The following DPP10 variants were observed in gnomAD, a reference collection of about 807,000 sequenced individuals.
DPP10 encodes dipeptidyl peptidase like 10, also known as inactive dipeptidyl peptidase 10.
DPP10 carries 33 observed loss-of-function variants against 120.9 expected under a neutral mutation model. The ratio of observed to expected loss-of-function variants is 0.27; its 90% CI spans 0.21 to 0.37. DPP10 has a LOEUF of 0.37. Ranked by LOEUF, DPP10 falls within the 10% of genes least tolerant of loss-of-function variation. DPP10 has a pLI of 1.00. For synonymous variants in DPP10, 337 were observed against 326.1 expected, an observed-to-expected ratio of 1.03 and a Z score of -0.36; for missense variants, 816 against 942.8, an observed-to-expected ratio of 0.87 and a Z score of 1.76.
chr2:115,122,304 G>A (rs1041359381), intron 1 of DPP10, among the ~76,000 whole-genome samples: 1 of 152,210 alleles, frequency 6.6e-6, no homozygotes, highest in African/African-American at 2.4e-5. Flanking sequence ...GCCTGTGGCA[G>A]ATCAGAGTGA....
intron 1 of DPP10, among the ~76,000 whole-genome samples, chr2:114,893,165 T>C (rs1312215797): frequency 6.6e-6 from 1 of 152,182 alleles, no homozygotes; most frequent in Non-Finnish European, 1.5e-5. Flanking sequence ...TTCCCAAATT[T>C]AAACGATCAC....
intron 1 of DPP10, among the ~76,000 whole-genome samples, chr2:114,634,207 A>G (rs1487802337): frequency 6.6e-6 from 1 of 151,864 alleles, no homozygotes; most frequent in African/African-American, 2.4e-5. Flanking sequence ...CCTGTGTTTT[A>G]TCATCTGCTA....
intron 1 of DPP10, among the ~76,000 whole-genome samples, chr2:115,111,157 TTA>T (rs1203667054): frequency 6.6e-6 from 1 of 152,140 alleles, no homozygotes; most frequent in Non-Finnish European, 1.5e-5. Flanking sequence ...TCTTATGTGC[TTA>T]TGTTTTCTCC....
At chr2:115,319,684 A>G (rs2061966118) in intron 2 of DPP10, among the ~76,000 whole-genome samples, 1 of 152,220 alleles carries the variant, frequency 6.6e-6, no homozygotes, top group Non-Finnish European at 1.5e-5. Flanking sequence ...ATAGCAAAAT[A>G]CCACAGACTG....
At chr2:115,588,893 C>T (rs2082453997) in intron 5 of DPP10, among the ~76,000 whole-genome samples, 1 of 152,130 alleles carries the variant, frequency 6.6e-6, no homozygotes, top group Non-Finnish European at 1.5e-5. Flanking sequence ...AAAATATATT[C>T]AGGTATGCCT....
intron 1 of DPP10, among the ~76,000 whole-genome samples, chr2:114,531,191 G>A (rs896006718): frequency 3.9e-5 from 6 of 152,152 alleles, no homozygotes; most frequent in East Asian, 1.9e-4. Flanking sequence ...ACTTGTCATC[G>A]TGGTGGGGGA....
chr2:115,535,293 G>T (rs1393330984), intron 5 of DPP10, among the ~76,000 whole-genome samples: 1 of 147,056 alleles, frequency 6.8e-6, no homozygotes, highest in East Asian at 2.0e-4. Flanking sequence ...TTTTTTATAA[G>T]GTGTAAGGAA....
chr2:115,340,253 A>G (rs112554963), intron 2 of DPP10, among the ~76,000 whole-genome samples: 1,884 of 152,286 alleles, frequency 0.012, 9 homozygotes, highest in African/African-American at 0.019. Context: ...ATATGGTGTA[A>G]TCATTAATCT....
intron 1 of DPP10, among the ~76,000 whole-genome samples, chr2:115,232,019 C>T (rs2057758711): frequency 6.6e-6 from 1 of 152,208 alleles, no homozygotes; most frequent in African/African-American, 2.4e-5. Flanking sequence ...TAAGCCCCTT[C>T]CTCTCCAGCC....
chr2:115,324,109 C>G (rs2062211189), intron 2 of DPP10, among the ~76,000 whole-genome samples: 1 of 152,034 alleles, frequency 6.6e-6, no homozygotes, highest in African/African-American at 2.4e-5. Flanking sequence ...GAATCCATCT[C>G]TACTAAAAAT....
At chr2:114,901,726 G>C (rs1198309995) in intron 1 of DPP10, among the ~76,000 whole-genome samples, 2 of 152,156 alleles carry the variant, frequency 1.3e-5, no homozygotes, top group African/African-American at 4.8e-5. Flanking sequence ...AAACGTTTGT[G>C]CCCAGATCAG....
chr2:115,060,763 TC>T lies in DPP10; in HGVS notation c.61-248473del, dbSNP rs974648185. 7.9e-4 allele frequency among the ~76,000 whole-genome samples: 121 copies of T among 152,326 alleles called. 1 individual carries two copies. Among genetic ancestry groups the T allele is most frequent in the Middle Eastern group, 3.4e-3 (1 of 294 alleles). ...GTTCTCCTGAATGATTTTCCCCTTC[TC>T]CCTTTATCCTGGGTTATCAGTTTTT... On this transcript the variant is annotated intron_variant, in intron 1 of 25. Transcript: ENST00000410059.
chr2:115,369,106 A>T (rs2065246831), intron 3 of DPP10, among the ~76,000 whole-genome samples: 1 of 152,040 alleles, frequency 6.6e-6, no homozygotes, highest in East Asian at 1.9e-4. Context: ...GCCGGATGCT[A>T]ATCTTTACTA....
At chr2:114,735,206 T>G (rs1677301790) in intron 1 of DPP10, among the ~76,000 whole-genome samples, 1 of 152,136 alleles carries the variant, frequency 6.6e-6, no homozygotes, top group Non-Finnish European at 1.5e-5. Context: ...GTATTTACTT[T>G]GCTGTTATCC....
At chr2:114,983,077 G>A (rs553977988) in intron 1 of DPP10, among the ~76,000 whole-genome samples, 11 of 152,134 alleles carry the variant, frequency 7.2e-5, no homozygotes, top group African/African-American at 1.4e-4. Context: ...GAGCTAAGAC[G>A]CATTATAACT....
At chr2:115,245,312 C>T (rs2058484549) in intron 1 of DPP10, among the ~76,000 whole-genome samples, 1 of 151,566 alleles carries the variant, frequency 6.6e-6, no homozygotes, top group Admixed American at 6.6e-5. Flanking sequence ...AAAACATGGG[C>T]AAAGGACATG....
intron 1 of DPP10, among the ~76,000 whole-genome samples, chr2:115,094,565 G>A (rs1317684999): frequency 6.6e-6 from 1 of 152,104 alleles, no homozygotes; most frequent in Non-Finnish European, 1.5e-5. Context: ...TGGGTTACGA[G>A]CGTCTTGTCT....
chr2:115,071,034 A>G (rs1707323323), intron 1 of DPP10, among the ~76,000 whole-genome samples: 1 of 152,176 alleles, frequency 6.6e-6, no homozygotes, highest in Non-Finnish European at 1.5e-5. Context: ...GTAATGTTGC[A>G]ATTAAATGTC....
chr2:115,601,284 G>A (rs1312727350), intron 5 of DPP10, among the ~76,000 whole-genome samples: 1 of 152,136 alleles, frequency 6.6e-6, no homozygotes. Flanking sequence ...TGTCATTAAG[G>A]TTTCCTAAGA....
Sources: allele counts gnomAD v4.1 joint callset (sites outside exome capture counted in the v4.1 genomes callset), GRCh38; gene constraint gnomAD v4.1.1; transcripts MANE v1.5; gene names NCBI Gene and HGNC (gene_info 2026-07-23, HGNC 2026-07-21).